PCDHGA4: variants seen among roughly 807,000 people sequenced by gnomAD.
PCDHGA4 encodes the protein protocadherin gamma subfamily A, 4.
A neutral mutation model predicts 54.6 loss-of-function variants in PCDHGA4; 38 were observed. That is an observed-to-expected ratio of 0.70 (90% CI 0.54 to 0.91). The LOEUF (loss-of-function observed/expected upper bound fraction) is 0.91, where lower values mean the gene tolerates loss of function less well. PCDHGA4 is among the 40% of genes least tolerant of loss of function. PCDHGA4 has a pLI of 0.00. For synonymous variants in PCDHGA4, 511 were observed against 512.9 expected (o/e 1.00, Z 0.05); for missense variants, 1,298 against 1,220.9 (o/e 1.06, Z -0.94).
chr5:141,373,042 T>C (rs1415410484), intron 1 of PCDHGA4, among the ~76,000 whole-genome samples: 6 of 152,218 alleles, frequency 3.9e-5, no homozygotes, highest in African/African-American at 1.4e-4. Context: ...TTCTTAATCC[T>C]AATACACTAT....
Position 141,431,858 on chromosome 5 carries a change from G to A in PCDHGA4, c.2515-62949G>A, listed in dbSNP as rs1421209596. The A allele has an allele frequency of 1.1e-5, 17 of 1,614,198 alleles. No individual in the cohort carries two copies. Among genetic ancestry groups the A allele is most frequent in the Non-Finnish European group, 1.4e-5 (17 of 1,180,020 alleles). On this transcript the variant is annotated intron_variant, in intron 1 of 3. Coordinates refer to ENST00000571252, the MANE Select transcript of PCDHGA4 (RefSeq NM_018917.4). The surrounding 1 kb of genome is among the most constrained non-coding windows in gnomAD (Gnocchi z 4.8). ...AAACTCTCCCAGAGGGACATTAATTGCCCTTTTAAATGTAAATGACCAAGA... is the reference window on the plus strand; with the variant it reads ...AAACTCTCCCAGAGGGACATTAATTACCCTTTTAAATGTAAATGACCAAGA...
rs953428261 is a variant in PCDHGA4, at chr5:141,430,262, T to C, written c.2515-64545T>C. On this transcript the variant is annotated intron_variant, in intron 1 of 3. Coordinates refer to ENST00000571252, the MANE Select transcript of PCDHGA4 (RefSeq NM_018917.4). ...AACTCCTAGGGAGACATCTCCATAA[T>C]AGGTGTGTTGGGGGAACAGTAATCT... Among the ~76,000 whole-genome samples the C allele has an allele frequency of 2.6e-5, 4 of 151,892 alleles. No homozygotes were observed. The East Asian group carries it at 5.8e-4, about 22-fold the overall frequency.
rs753845173 is a variant in PCDHGA4, at chr5:141,490,873, C to T, written c.2515-3934C>T. On this transcript the variant is annotated intron_variant, in intron 1 of 3. Coordinates refer to ENST00000571252, the MANE Select transcript of PCDHGA4 (RefSeq NM_018917.4). The surrounding 1 kb of genome is among the most constrained non-coding windows in gnomAD (Gnocchi z 5.4). Reference sequence around the variant, plus strand: ...TCGAGACTCCGGCTCTCCCCCATTGCATGCCAACACATCTCTGCATGTGTT... The same window carrying T: ...TCGAGACTCCGGCTCTCCCCCATTGTATGCCAACACATCTCTGCATGTGTT... 5.6e-6 allele frequency: 9 copies of T among 1,613,884 alleles called. No homozygotes were observed. The highest frequency in any genetic ancestry group is 7.6e-6 in the Non-Finnish European group (9 of 1,179,908).
At chr5:141,418,829 C>T in intron 1 of PCDHGA4, 1 of 1,613,856 alleles carries the variant, frequency 6.2e-7, no homozygotes, top group Non-Finnish European at 8.5e-7. Flanking sequence ...AGCAAAAGAC[C>T]GAGGATCTCT....
chr5:141,505,653 G>A (rs1049630228), intron 3 of PCDHGA4, among the ~76,000 whole-genome samples, 172 bp downstream of exon 3: 1 of 152,184 alleles, frequency 6.6e-6, no homozygotes, highest in Non-Finnish European at 1.5e-5. Context: ...TTGTGGCTAA[G>A]GAACAGCAGA....
intron 3 of PCDHGA4, among the ~76,000 whole-genome samples, chr5:141,506,298 A>C (rs887906455): frequency 6.6e-6 from 1 of 151,936 alleles, no homozygotes; most frequent in Non-Finnish European, 1.5e-5. Context: ...AAAATACAAA[A>C]ATTAGCTGGG....
At chr5:141,401,835 T>C (rs983491795) in intron 1 of PCDHGA4, among the ~76,000 whole-genome samples, 2 of 152,326 alleles carry the variant, frequency 1.3e-5, no homozygotes, top group South Asian at 4.1e-4. Context: ...AGATTTCTTA[T>C]AATACCACTT....
At chr5:141,428,097 C>T (rs2097109296) in intron 1 of PCDHGA4, 2 of 1,608,758 alleles carry the variant, frequency 1.2e-6, no homozygotes, top group African/African-American at 1.3e-5. Flanking sequence ...GCTGTCCTAC[C>T]ACGTGCTGCA....
Position 141,393,720 on chromosome 5 carries a change from A to T in PCDHGA4, c.2514+36099A>T, listed in dbSNP as rs371093729. ...TAATGAAAATACTGGGGAAATATCA[A>T]TAGCAAAAAGTCTAGATTATGAAGA... On this transcript the variant is annotated intron_variant, in intron 1 of 3. Transcript: ENST00000571252. 5.0e-6 allele frequency: 8 copies of T among 1,613,888 alleles called. No homozygotes were observed. The South Asian group carries it at 8.8e-5, about 18-fold the overall frequency.
At chr5:141,447,130 T>A (rs2098527397) in intron 1 of PCDHGA4, among the ~76,000 whole-genome samples, 1 of 152,146 alleles carries the variant, frequency 6.6e-6, no homozygotes, top group Admixed American at 6.6e-5. Context: ...TTTTTTTGTT[T>A]GTTTGTTTTT....
Position 141,487,532 on chromosome 5 carries a change from A to C in PCDHGA4, c.2515-7275A>C. 6.2e-7 allele frequency: 1 copy of C among 1,614,158 alleles called. No homozygotes were observed. Among genetic ancestry groups the C allele is most frequent in the Non-Finnish European group, 8.5e-7 (1 of 1,180,022 alleles). On this transcript the variant is annotated intron_variant, in intron 1 of 3. Transcript: ENST00000571252. This position sits in a 1 kb window ranked among gnomAD's most constrained non-coding sequence, Gnocchi z 5.0. Reference sequence around the variant, plus strand: ...ACCCACTCGGAGTGATAGCTTCATGATGGTGAAGTCACCCAGTGCACCTAT... The same window carrying C: ...ACCCACTCGGAGTGATAGCTTCATGCTGGTGAAGTCACCCAGTGCACCTAT...
intron 1 of PCDHGA4, chr5:141,427,571 G>T (rs1199845374): frequency 9.1e-6 from 6 of 662,944 alleles, no homozygotes; most frequent in Non-Finnish European, 1.7e-5. Context: ...GCAAGCCTCC[G>T]CTCTCATCCA....
At chr5:141,413,500 A>C (rs1422297029) in intron 1 of PCDHGA4, 2 of 1,614,034 alleles carry the variant, frequency 1.2e-6, no homozygotes, top group South Asian at 1.1e-5. Flanking sequence ...GTGCGTGGTG[A>C]GTTTTAATAT....
At position 141,383,548 on chromosome 5, in the gene PCDHGA4, G is replaced by A. The variant is rs768977528; in HGVS notation, c.2514+25927G>A. 33 of 1,612,508 alleles carry A rather than the reference G, an allele frequency of 2.0e-5. 1 individual carries two copies. In the Admixed American group the frequency reaches 2.3e-4, roughly 11 times the overall value. ...CCACCTGGTCCTCACAGCCTCTGATGGCGGCGACCCGCCCCGATCCAGCAC... is the reference window on the plus strand; with the variant it reads ...CCACCTGGTCCTCACAGCCTCTGATAGCGGCGACCCGCCCCGATCCAGCAC... On this transcript the variant is annotated intron_variant, in intron 1 of 3. Coordinates refer to ENST00000571252, the MANE Select transcript of PCDHGA4 (RefSeq NM_018917.4).
At position 141,362,106 on chromosome 5, in the gene PCDHGA4, G is replaced by T. The variant is rs73265834; in HGVS notation, c.2514+4485G>T. On this transcript the variant is annotated intron_variant, in intron 1 of 3. Transcript: ENST00000571252. Reference sequence around the variant, plus strand: ...GAGGACAGCCGCCACTCTCCGCTACGGCCACGCTGCACCTAATCTTCGCGG... The same window carrying T: ...GAGGACAGCCGCCACTCTCCGCTACTGCCACGCTGCACCTAATCTTCGCGG... 1.3e-4 allele frequency: 207 copies of T among 1,612,660 alleles called. 2 individuals are homozygous for T. In the South Asian group the frequency reaches 2.2e-3, roughly 17 times the overall value.
intron 1 of PCDHGA4, chr5:141,420,323 A>G (rs753373746): frequency 2.1e-6 from 3 of 1,410,102 alleles, no homozygotes; most frequent in East Asian, 2.4e-5. Flanking sequence ...CAATATGCCA[A>G]TATATTCCAA....
intron 1 of PCDHGA4, among the ~76,000 whole-genome samples, chr5:141,380,299 C>T (rs1776363020): frequency 6.6e-6 from 1 of 152,092 alleles, no homozygotes; most frequent in Non-Finnish European, 1.5e-5. Context: ...ATACCTATAT[C>T]TTTGCTTGAG....
At chr5:141,375,751 T>C (rs1389189532) in intron 1 of PCDHGA4, 3 of 1,614,108 alleles carry the variant, frequency 1.9e-6, no homozygotes, top group Non-Finnish European at 2.5e-6. Context: ...TGGACCAGAA[T>C]GACAATGCGC....
chr5:141,421,734 G>A (rs761780459), intron 1 of PCDHGA4: 1 of 1,613,948 alleles, frequency 6.2e-7, no homozygotes, highest in Non-Finnish European at 8.5e-7. Flanking sequence ...ACTCCCTCCA[G>A]AGCTACCAGC....
Sources: allele counts gnomAD v4.1 joint callset (sites outside exome capture counted in the v4.1 genomes callset), GRCh38; gene constraint gnomAD v4.1.1; non-coding constraint Gnocchi (gnomAD v3.1); transcripts MANE v1.5; gene names NCBI Gene and HGNC (gene_info 2026-07-23, HGNC 2026-07-21).